Variants in ZNF846 observed in about 807,000 individuals in gnomAD.
ZNF846 encodes zinc finger protein 420 pseudogene.
In ZNF846, 15 loss-of-function variants were observed where a neutral mutation model predicts 16.0. The ratio of observed to expected loss-of-function variants is 0.94; its 90% CI spans 0.63 to 1.45. The LOEUF is 1.45. Among genes scored for constraint, ZNF846 ranks in the 40% most tolerant of loss-of-function variants. The pLI, the probability that ZNF846 is intolerant of heterozygous loss-of-function variation, is 0.00. For missense variants in ZNF846, 714 were observed against 622.3 expected (o/e 1.15, Z -1.57); for synonymous variants, 229 against 212.0 (o/e 1.08, Z -0.70).
exon 1 of ZNF846, chr19:9,768,577 G>A (rs1347884076): frequency 1.3e-5 from 2 of 152,248 alleles, no homozygotes; most frequent in Admixed American, 6.5e-5. Context: ...AGCAGCGGGA[G>A]GCCGGCGCGT....
intron 1 of ZNF846, among the ~76,000 whole-genome samples, chr19:9,783,729 G>A (rs1206348095): frequency 4.0e-5 from 6 of 148,886 alleles, no homozygotes; most frequent in Admixed American, 2.7e-4. Flanking sequence ...TTACTCTGTC[G>A]CCTGGATGGA....
chr19:9,772,598 G>GTAAAA (rs2045398242), upstream of ZNF846, among the ~76,000 whole-genome samples: 1 of 131,860 alleles, frequency 7.6e-6, no homozygotes. Context: ...CTCCGTCTCA[G>GTAAAA]AAAAAAAAAA....
chr19:9,755,608 G>A (rs890676263), downstream of ZNF846: 11 of 149,462 alleles, frequency 7.4e-5, no homozygotes, highest in African/African-American at 2.0e-4. Context: ...AGACCATCCC[G>A]GCTAAAACGG....
exon 2 of ZNF846, chr19:9,765,016 A>G (rs2045292137): frequency 6.3e-7 from 1 of 1,577,712 alleles, no homozygotes; most frequent in Non-Finnish European, 8.7e-7. Flanking sequence ...GAAGACAGAA[A>G]GTGTCCTGGA....
upstream of ZNF846, among the ~76,000 whole-genome samples, chr19:9,773,422 GTGTC>G (rs1599399085): frequency 6.6e-6 from 1 of 152,270 alleles, no homozygotes. Context: ...GTGTGTGTGT[GTGTC>G]TGTGTGTGTG....
downstream of ZNF846, among the ~76,000 whole-genome samples, chr19:9,751,565 C>T (rs867906718): frequency 6.6e-6 from 1 of 151,834 alleles, no homozygotes; most frequent in African/African-American, 2.4e-5. Context: ...ATTTGCAACA[C>T]CCTCCCTGCT....
intron 1 of ZNF846, among the ~76,000 whole-genome samples, chr19:9,767,568 A>G (rs1380982711): frequency 6.6e-6 from 1 of 152,198 alleles, no homozygotes; most frequent in Non-Finnish European, 1.5e-5. Flanking sequence ...TTTGGTTTAG[A>G]ATATTCAATC....
chr19:9,752,205 A>T (rs1389489313), exon 6 of ZNF846: 7 of 164,416 alleles, frequency 4.3e-5, no homozygotes, highest in African/African-American at 1.7e-4. Context: ...ACAGCATCTT[A>T]ATTACTATAG....
At chr19:9,758,080 T>C (rs1487566298) in exon 6 of ZNF846, 2 of 1,613,586 alleles carry the variant, frequency 1.2e-6, no homozygotes, top group Non-Finnish European at 1.7e-6. Context: ...TTTTCTCCAG[T>C]GTGAATTCGC....
At chr19:9,766,414 A>C (rs77220212) in intron 1 of ZNF846, among the ~76,000 whole-genome samples, 2 of 110,048 alleles carry the variant, frequency 1.8e-5, no homozygotes, top group Non-Finnish European at 3.4e-5. Flanking sequence ...CTCTGTCACA[A>C]AAAAAAAAAA....
At chr19:9,782,389 C>A (rs1328532010) in intron 1 of ZNF846, among the ~76,000 whole-genome samples, 1 of 152,138 alleles carries the variant, frequency 6.6e-6, no homozygotes, top group Non-Finnish European at 1.5e-5. Context: ...CTCAGCCTCC[C>A]ACGTAGCTGG....
At chr19:9,779,091 G>T (rs2045475511) in intron 1 of ZNF846, among the ~76,000 whole-genome samples, 1 of 152,096 alleles carries the variant, frequency 6.6e-6, no homozygotes. Context: ...TAAAATGAGG[G>T]TTAGATTAAT....
At chr19:9,785,765 A>G (rs1177415785) in intron 1 of ZNF846, among the ~76,000 whole-genome samples, 2 of 26,352 alleles carry the variant, frequency 7.6e-5, no homozygotes, top group East Asian at 1.2e-3. Context: ...TCTCTCCCTC[A>G]CCAAGACCTT....
chr19:9,759,902 C>T, exon 5 of ZNF846: 4 of 1,613,164 alleles, frequency 2.5e-6, no homozygotes, highest in Non-Finnish European at 2.5e-6. Context: ...AAATATCTTG[C>T]AGCAGTGGGG....
At chr19:9,756,385 A>ATATATAT (rs71188838), downstream of ZNF846, 1 of 133,576 alleles carries the variant, frequency 7.5e-6, no homozygotes, top group Non-Finnish European at 1.6e-5. Context: ...ATATATATAT[A>ATATATAT]AAGACATTCC....
chr19:9,781,789 T>C (rs1384801668), intron 1 of ZNF846, among the ~76,000 whole-genome samples: 3 of 151,672 alleles, frequency 2.0e-5, no homozygotes, highest in African/African-American at 7.3e-5. Context: ...TTTTTTTTTT[T>C]TTTTTTGAGA....
intron 2 of ZNF846, 132 bp from the exon 3 acceptor site, chr19:9,763,540 T>A: frequency 1.4e-6 from 1 of 729,062 alleles, no homozygotes; most frequent in Non-Finnish European, 2.1e-6. Flanking sequence ...CTCCTCTATA[T>A]AGATATTGTC....
At chr19:9,774,072 GA>G (rs2045412416) in intron 1 of ZNF846, among the ~76,000 whole-genome samples, 1 of 152,288 alleles carries the variant, frequency 6.6e-6, no homozygotes, top group African/African-American at 2.4e-5. Flanking sequence ...AAACATTCTT[GA>G]AAGACACAAA....
chr19:9,773,281 C>A (rs1362254499), upstream of ZNF846, among the ~76,000 whole-genome samples: 2 of 152,128 alleles, frequency 1.3e-5, no homozygotes, highest in Non-Finnish European at 2.9e-5. Context: ...CCTTCCTCAG[C>A]CTCCTGAGTA....
Sources: gnomAD v4.1 joint callset for allele counts (sites outside exome capture counted in the v4.1 genomes callset) on GRCh38, gnomAD v4.1.1 for gene constraint, MANE v1.5 for transcripts, NCBI Gene and HGNC (gene_info 2026-07-23, HGNC 2026-07-21) for gene names.